Variants in NHEJ1 observed in about 807,000 individuals in gnomAD.
The protein encoded by NHEJ1 is non-homologous end joining factor 1, also known as non-homologous end-joining factor 1.
In NHEJ1, 22 loss-of-function variants were observed where a neutral mutation model predicts 39.4. That is an observed-to-expected ratio of 0.56 (90% CI 0.40 to 0.80). The LOEUF (loss-of-function observed/expected upper bound fraction) is 0.80, where lower values mean the gene tolerates loss of function less well. Ranked by LOEUF, NHEJ1 falls within the 30% of genes least tolerant of loss-of-function variation. The pLI is 0.00. For missense variants in NHEJ1, 329 were observed against 357.1 expected (o/e 0.92, Z 0.63); for synonymous variants, 154 against 135.6 (o/e 1.14, Z -0.94).
intron 5 of NHEJ1, among the ~76,000 whole-genome samples, chr2:219,123,156 T>G (rs1185877666): frequency 1.3e-5 from 2 of 152,104 alleles, no homozygotes; most frequent in Non-Finnish European, 2.9e-5. Context: ...ATAGCTACAG[T>G]AGAGGGGTAG....
At chr2:219,078,294 C>G in intron 5 of NHEJ1, 88 bp from the exon 6 acceptor site, 1 of 1,113,472 alleles carries the variant, frequency 9.0e-7, no homozygotes, top group Admixed American at 1.7e-5. Context: ...GGCATCAACC[C>G]CAAATGAATT....
At chr2:219,134,502 C>T (rs997241872) in intron 5 of NHEJ1, among the ~76,000 whole-genome samples, 9 of 152,162 alleles carry the variant, frequency 5.9e-5, no homozygotes, top group Non-Finnish European at 1.2e-4. Flanking sequence ...CTCACATTTC[C>T]ATCACTGGCT....
rs1949361606 is a variant in NHEJ1, at chr2:219,111,135, G to A, written c.589-32929C>T. On this transcript the variant is annotated intron_variant, in intron 5 of 7. Transcript: ENST00000356853. This position sits in a 1 kb window ranked among gnomAD's most constrained non-coding sequence, Gnocchi z 4.1. ...TTCCTTAACTAAGGACCAGAGGGGG[G>A]AAAATCATTTTAAAGATGATTTTAG... Among the ~76,000 whole-genome samples the A allele has an allele frequency of 1.3e-5, 2 of 152,108 alleles. No individual in the cohort carries two copies. Among genetic ancestry groups the A allele is most frequent in the African/African-American group, 4.8e-5 (2 of 41,402 alleles).
Position 219,153,087 on chromosome 2 carries a change from G to A in NHEJ1, c.390+4385C>T, listed in dbSNP as rs139415425. Among the ~76,000 whole-genome samples the A allele has an allele frequency of 5.3e-4, 81 of 152,286 alleles. No homozygotes were observed. In the East Asian group the frequency reaches 0.015, roughly 29 times the overall value. ...CAAAGTGTTAGGATTACAGGTGTGA[G>A]CCACTGTGCCTGGCCCCAGCATCTC... is the stretch of plus-strand genomic sequence containing the variant. On this transcript the variant is annotated intron_variant, in intron 3 of 7. Transcript: ENST00000356853.
chr2:219,109,307 A>G (rs76718016), intron 5 of NHEJ1, among the ~76,000 whole-genome samples: 90 of 152,320 alleles, frequency 5.9e-4, no homozygotes, highest in African/African-American at 2.1e-3. Flanking sequence ...ACAAATACCA[A>G]TTCCCAGCCC....
At chr2:219,149,076 G>A (rs1949770917) in intron 3 of NHEJ1, among the ~76,000 whole-genome samples, 1 of 151,936 alleles carries the variant, frequency 6.6e-6, no homozygotes, top group Admixed American at 6.6e-5. Context: ...TAGAGACGGG[G>A]TTTCACCATG....
intron 5 of NHEJ1, among the ~76,000 whole-genome samples, chr2:219,142,152 T>C (rs1298496941): frequency 1.3e-5 from 2 of 152,158 alleles, no homozygotes; most frequent in African/African-American, 2.4e-5. Context: ...TAAGGTATTA[T>C]ACTGAACAGA....
At chr2:219,135,244 T>C (rs1949616156) in intron 5 of NHEJ1, among the ~76,000 whole-genome samples, 1 of 152,210 alleles carries the variant, frequency 6.6e-6, no homozygotes, top group South Asian at 2.1e-4. Context: ...TGTGTAAATC[T>C]TCACAAAAAG....
intron 5 of NHEJ1, among the ~76,000 whole-genome samples, chr2:219,084,677 A>C (rs188595323): frequency 2.0e-5 from 3 of 152,296 alleles, no homozygotes; most frequent in Admixed American, 6.5e-5. Context: ...GATGAGGCTG[A>C]TGGAAGGATT....
In NHEJ1 at chr2:219,146,675, C is replaced by T. The variant is rs369012414; in HGVS notation, c.588+5G>A. 6.2e-7 allele frequency: 1 copy of T among 1,606,280 alleles called. No individual in the cohort carries two copies. Among genetic ancestry groups the T allele is most frequent in the Non-Finnish European group, 8.5e-7 (1 of 1,172,848 alleles). Reference sequence around the variant, plus strand: ...AGACACACAAGAAAATGACAAATACCTTACCTCTATCATAAATTGTTCCAA... The same window carrying T: ...AGACACACAAGAAAATGACAAATACTTTACCTCTATCATAAATTGTTCCAA... On this transcript the variant is annotated splice_donor_5th_base_variant and intron_variant, in intron 5 of 7. Coordinates refer to ENST00000356853, the MANE Select transcript of NHEJ1 (RefSeq NM_024782.3).
chr2:219,117,600 AAG>A (rs1949427858), intron 5 of NHEJ1, among the ~76,000 whole-genome samples: 1 of 152,228 alleles, frequency 6.6e-6, no homozygotes, highest in East Asian at 1.9e-4. Context: ...AAATAACAGA[AAG>A]AGACTAAACA....
chr2:219,083,005 G>GT (rs534318336), intron 5 of NHEJ1, among the ~76,000 whole-genome samples: 95 of 152,300 alleles, frequency 6.2e-4, no homozygotes, highest in African/African-American at 2.0e-3. Flanking sequence ...AACAAGAAAC[G>GT]TAATTTAGGA....
intron 5 of NHEJ1, among the ~76,000 whole-genome samples, chr2:219,108,692 T>A (rs1344303952): frequency 6.6e-6 from 1 of 152,146 alleles, no homozygotes; most frequent in Non-Finnish European, 1.5e-5. Flanking sequence ...CCCTTCTGAT[T>A]CCAAGATGCT....
intron 5 of NHEJ1, among the ~76,000 whole-genome samples, chr2:219,094,330 C>T (rs1949187049): frequency 6.6e-6 from 1 of 152,136 alleles, no homozygotes; most frequent in Admixed American, 6.5e-5. Context: ...TCAGACCTCC[C>T]ACTCAGAGCA....
At chr2:219,133,761 C>G (rs1045673187) in intron 5 of NHEJ1, among the ~76,000 whole-genome samples, 2 of 152,218 alleles carry the variant, frequency 1.3e-5, no homozygotes, top group Non-Finnish European at 2.9e-5. Flanking sequence ...AAGGCTGCAT[C>G]TCCTGGGGGA....
intron 5 of NHEJ1, among the ~76,000 whole-genome samples, chr2:219,117,093 C>A (rs1949423150): frequency 6.6e-6 from 1 of 152,134 alleles, no homozygotes; most frequent in Admixed American, 6.5e-5. Flanking sequence ...CTGCCCACTG[C>A]TTGCATGATT....
At chr2:219,131,139 G>A (rs1431203569) in intron 5 of NHEJ1, among the ~76,000 whole-genome samples, 2 of 152,172 alleles carry the variant, frequency 1.3e-5, no homozygotes, top group South Asian at 2.1e-4. Flanking sequence ...CTAAGATGGT[G>A]TTAGAGGAGC....
chr2:219,106,347 A>G (rs544224710), intron 5 of NHEJ1, among the ~76,000 whole-genome samples: 1 of 152,334 alleles, frequency 6.6e-6, no homozygotes, highest in Admixed American at 6.5e-5. Context: ...TTAGGGGCTC[A>G]AGTTAGACAG....
chr2:219,139,269 G>A (rs1295322278), intron 5 of NHEJ1, among the ~76,000 whole-genome samples: 2 of 151,992 alleles, frequency 1.3e-5, no homozygotes, highest in African/African-American at 4.8e-5. Context: ...TGTATTTTTA[G>A]TAGAGACGAA....
Sources: gnomAD v4.1 joint callset for allele counts (sites outside exome capture counted in the v4.1 genomes callset) on GRCh38, gnomAD v4.1.1 for gene constraint, Gnocchi (gnomAD v3.1) non-coding constraint, MANE v1.5 for transcripts, NCBI Gene and HGNC (gene_info 2026-07-23, HGNC 2026-07-21) for gene names.